Variants in CACNA1A observed in about 807,000 individuals in gnomAD.
The protein encoded by CACNA1A is calcium voltage-gated channel subunit alpha1 A.
CACNA1A carries 57 observed loss-of-function variants against 262.4 expected under a neutral mutation model. The observed-to-expected ratio is 0.22, with a 90% CI of 0.18 to 0.27. The LOEUF (loss-of-function observed/expected upper bound fraction) is 0.27, where lower values mean the gene tolerates loss of function less well. CACNA1A is among the 10% of genes least tolerant of loss of function. The pLI, the probability that CACNA1A is intolerant of heterozygous loss-of-function variation, is 1.00. For synonymous variants in CACNA1A, 1,431 were observed against 1,419.3 expected (o/e 1.01, Z -0.18); for missense variants, 2,526 against 3,562.8 (o/e 0.71, Z 7.41).
intron 3 of CACNA1A, among the ~76,000 whole-genome samples, chr19:13,425,769 A>G (rs936135557): frequency 3.9e-5 from 6 of 152,050 alleles, no homozygotes; most frequent in African/African-American, 1.4e-4. Flanking sequence ...ACAGTGTCCC[A>G]TGGATGCCGG....
At position 13,212,443 on chromosome 19, in the gene CACNA1A, T is replaced by C. The variant is rs566781445; in HGVS notation, c.6130A>G (p.Thr2044Ala). The C allele has an allele frequency of 1.5e-5, 24 of 1,611,994 alleles. No homozygotes were observed. The South Asian group carries it at 2.6e-4, about 18-fold the overall frequency. Residue 2044 changes from threonine to alanine, a missense_variant, in exon 42 of 47, where the codon ACA (threonine) becomes GCA (alanine). Thr to Ala is a moderately conservative substitution (Grantham distance 58). Coordinates refer to ENST00000360228, the MANE Select transcript of CACNA1A (RefSeq NM_001127222.2). This position sits in a 1 kb window ranked among gnomAD's most constrained non-coding sequence, Gnocchi z 5.6. ...RAQEMFQKTG[T>A]WSPEQGPPTD... ...GGGGGGCCTTGTTCCGGACTCCATGTGCCCGTCTTCTGGAACATCTCCTGG... is the reference window on the plus strand; with the variant it reads ...GGGGGGCCTTGTTCCGGACTCCATGCGCCCGTCTTCTGGAACATCTCCTGG...
chr19:13,399,325 A>G (rs1251674666), intron 3 of CACNA1A, among the ~76,000 whole-genome samples: 1 of 151,978 alleles, frequency 6.6e-6, no homozygotes, highest in Non-Finnish European at 1.5e-5. Context: ...ACGGTTAATG[A>G]GCAATTCTGA....
chr19:13,339,394 G>A lies in CACNA1A; in HGVS notation c.979-3485C>T, dbSNP rs117634004. The stretch of plus-strand genomic sequence containing the variant: ...GGGGGAGGGGGAACAGGGAGTTCGC[G>A]TTTAGTGGGGACAGAGTTACATTTG... On this transcript the variant is annotated intron_variant, in intron 6 of 46. Transcript: ENST00000360228. 7.6e-3 allele frequency among the ~76,000 whole-genome samples: 1,156 copies of A among 152,228 alleles called. 4 individuals carry two copies. The highest frequency in any genetic ancestry group is 9.7e-3 in the African/African-American group (404 of 41,518).
intron 3 of CACNA1A, chr19:13,450,585 T>G (rs961908995): frequency 1.3e-5 from 2 of 152,210 alleles, no homozygotes; most frequent in Non-Finnish European, 2.9e-5. Context: ...TTTTCTATTT[T>G]GTTTACTGCT....
At chr19:13,327,951 T>C (rs1444527581) in intron 10 of CACNA1A, among the ~76,000 whole-genome samples, 1 of 152,202 alleles carries the variant, frequency 6.6e-6, no homozygotes, top group Non-Finnish European at 1.5e-5. Context: ...CACGTTGCAG[T>C]GCAGTGGCAC....
At chr19:13,376,737 T>TATATATAACACAATATGTTATATGTGAC (rs1568585919) in intron 3 of CACNA1A, among the ~76,000 whole-genome samples, 11 of 148,046 alleles carry the variant, frequency 7.4e-5, no homozygotes, top group African/African-American at 1.2e-4. Flanking sequence ...TTATATATGA[T>TATATATAACACAATATGTTATATGTGAC]ATATATAACA....
chr19:13,416,526 C>T (rs545965956), intron 3 of CACNA1A, among the ~76,000 whole-genome samples: 199 of 152,016 alleles, frequency 1.3e-3, no homozygotes, highest in Non-Finnish European at 7.7e-4. Flanking sequence ...ACTAAAACTA[C>T]AAAAATCGGC....
intron 29 of CACNA1A, among the ~76,000 whole-genome samples, chr19:13,254,303 C>T (rs1362293695): frequency 1.3e-5 from 2 of 151,966 alleles, no homozygotes; most frequent in Admixed American, 6.6e-5. Flanking sequence ...GGAAGCCGCT[C>T]CTTAGCCCTG....
chr19:13,214,790 G>C lies in CACNA1A; in HGVS notation c.5732-182C>G, dbSNP rs2144539073. ...TGGGCAGTGCTGCTGGAATGACCTT[G>C]TGGGCTCTGGTTTTCGGTGGGGCCA... On this transcript the variant is annotated intron_variant, in intron 38 of 46. Transcript: ENST00000360228. The surrounding 1 kb of genome is among the most constrained non-coding windows in gnomAD (Gnocchi z 4.1). The C allele has an allele frequency of 1.7e-6, 1 of 602,232 alleles. No homozygotes were observed. The highest frequency in any genetic ancestry group is 2.8e-5 in the East Asian group (1 of 36,202). 37.3% of individuals were successfully genotyped at this position (602,232 alleles called of 1,614,324 possible). A position where few individuals can be genotyped will look rare whatever the true frequency, so the allele number is the denominator to read the frequency against.
intron 24 of CACNA1A, chr19:13,271,601 T>C (rs2057021332): frequency 6.6e-6 from 1 of 152,292 alleles, no homozygotes; most frequent in African/African-American, 2.4e-5. Flanking sequence ...AGGAGGCTAA[T>C]TTTACCTCCA....
Position 13,371,722 on chromosome 19 carries a change from C to T in CACNA1A, c.597G>A (p.Val199=). Residue 199 remains valine, a synonymous_variant, in exon 4 of 47, where the codon GTG becomes GTA. Transcript: ENST00000360228. ...FDLRTLRAVR[V]LRPLKLVSGI... ...CAGACACCAGCTTGAGCGGCCGCAGCACTCGAACTGCCCTCAGCGTCCGTA... is the reference window on the plus strand; with the variant it reads ...CAGACACCAGCTTGAGCGGCCGCAGTACTCGAACTGCCCTCAGCGTCCGTA... The T allele has an allele frequency of 6.3e-7, 1 of 1,580,998 alleles. No individual in the cohort carries two copies. Among genetic ancestry groups the T allele is most frequent in the Non-Finnish European group, 8.6e-7 (1 of 1,163,784 alleles).
chr19:13,481,640 G>A (rs1357425341), intron 1 of CACNA1A, among the ~76,000 whole-genome samples: 3 of 152,090 alleles, frequency 2.0e-5, no homozygotes, highest in Admixed American at 1.3e-4. Context: ...GGAGTCAGGC[G>A]GGCTCACACC....
At chr19:13,502,157 TAAAA>T (rs57962801) in intron 1 of CACNA1A, among the ~76,000 whole-genome samples, 55,458 of 137,788 alleles carry the variant, frequency 0.4, 12,085 homozygotes, top group Non-Finnish European at 0.51. Context: ...GAGCTTTTCT[TAAAA>T]AAAAAAAAAA....
intron 36 of CACNA1A, chr19:13,228,841 G>C (rs746925660): frequency 2.8e-6 from 3 of 1,081,766 alleles, no homozygotes; most frequent in Non-Finnish European, 4.1e-6. Flanking sequence ...GGGTTCACAC[G>C]GGCTCCCTGG....
intron 19 of CACNA1A, among the ~76,000 whole-genome samples, chr19:13,290,650 A>G (rs1332517594): frequency 1.3e-5 from 2 of 151,990 alleles, no homozygotes. Flanking sequence ...GGGGCTCAAG[A>G]GATCCACCTG....
intron 3 of CACNA1A, among the ~76,000 whole-genome samples, chr19:13,372,312 C>T (rs941341376): frequency 8.5e-5 from 13 of 152,144 alleles, no homozygotes; most frequent in East Asian, 1.9e-4. Context: ...GGGATTACTA[C>T]GCACCCGCCA....
At chr19:13,459,780 A>C (rs908426347) in intron 1 of CACNA1A, among the ~76,000 whole-genome samples, 4 of 152,140 alleles carry the variant, frequency 2.6e-5, no homozygotes, top group African/African-American at 9.7e-5. Context: ...CCTCAATGGC[A>C]GGGATGTGAC....
intron 43 of CACNA1A, chr19:13,211,879 G>T (rs1343109203): frequency 1.1e-5 from 6 of 528,628 alleles, no homozygotes; most frequent in Non-Finnish European, 2.0e-5. Context: ...GCCCCAGGGG[G>T]AGCACTTTCC....
At chr19:13,302,168 C>T (rs566366886) in intron 17 of CACNA1A, among the ~76,000 whole-genome samples, 66 of 152,280 alleles carry the variant, frequency 4.3e-4, no homozygotes, top group African/African-American at 1.5e-3. Context: ...TTGGGCAAGT[C>T]TCTCAACCTC....
Sources: allele counts gnomAD v4.1 joint callset (sites outside exome capture counted in the v4.1 genomes callset), GRCh38; gene constraint gnomAD v4.1.1; non-coding constraint Gnocchi (gnomAD v3.1); transcripts MANE v1.5; gene names NCBI Gene and HGNC (gene_info 2026-07-23, HGNC 2026-07-21).